XKR9: variants seen among roughly 807,000 people sequenced by gnomAD.
XKR9 encodes XK-related protein 9.
A neutral mutation model predicts 32.0 loss-of-function variants in XKR9; 32 were observed. The observed-to-expected ratio is 1.00, with a 90% CI of 0.76 to 1.34. XKR9 has a LOEUF of 1.34. Among genes scored for constraint, XKR9 ranks in the 40% most tolerant of loss-of-function variants. The pLI, the probability that XKR9 is intolerant of heterozygous loss-of-function variation, is 0.00. For missense variants in XKR9, 546 were observed against 429.7 expected, an observed-to-expected ratio of 1.27 and a Z score of -2.39; for synonymous variants, 168 against 143.4, an observed-to-expected ratio of 1.17 and a Z score of -1.22.
At chr8:70,712,989 G>C (rs903868055) in intron 4 of XKR9, among the ~76,000 whole-genome samples, 23 of 152,070 alleles carry the variant, frequency 1.5e-4, no homozygotes, top group Non-Finnish European at 2.8e-4. Flanking sequence ...AGTGAGACTT[G>C]AACTTTTGGA....
chr8:70,891,470 G>C, the XKR9 span, among the ~76,000 whole-genome samples: 2 of 151,754 alleles, frequency 1.3e-5, no homozygotes, highest in African/African-American at 4.8e-5. Context: ...GTACCACATA[G>C]GTTTTGGTGT....
At chr8:70,803,864 TTGTGC>T in the XKR9 span, among the ~76,000 whole-genome samples, 1 of 152,152 alleles carries the variant, frequency 6.6e-6, no homozygotes, top group Non-Finnish European at 1.5e-5. Flanking sequence ...GAACATGGGG[TTGTGC>T]CTGACTGCAG....
intron 2 of XKR9, among the ~76,000 whole-genome samples, chr8:70,754,864 C>G (rs199929172): frequency 1.3e-5 from 2 of 151,688 alleles, no homozygotes; most frequent in African/African-American, 2.4e-5. Context: ...CAAGGACTTC[C>G]TGTCTAAAAC....
chr8:70,915,188 A>C, the XKR9 span, among the ~76,000 whole-genome samples: 2 of 151,942 alleles, frequency 1.3e-5, no homozygotes, highest in Non-Finnish European at 2.9e-5. Context: ...AAAATATCTT[A>C]TAACACTAAT....
chr8:71,018,096 A>G, the XKR9 span, among the ~76,000 whole-genome samples: 8 of 152,308 alleles, frequency 5.3e-5, no homozygotes, highest in African/African-American at 1.9e-4. Flanking sequence ...TCAAAGTTAA[A>G]GTTTTCTTAT....
chr8:70,676,483 A>G (rs1818893824), intron 2 of XKR9, among the ~76,000 whole-genome samples: 1 of 152,218 alleles, frequency 6.6e-6, no homozygotes, highest in Admixed American at 6.5e-5. Context: ...GAGATGAACT[A>G]TTCTTAATAC....
chr8:70,797,267 C>T, the XKR9 span, among the ~76,000 whole-genome samples: 5 of 152,228 alleles, frequency 3.3e-5, no homozygotes, highest in East Asian at 7.7e-4. Context: ...TAGAGGGTGT[C>T]ACCTGGCTGA....
the XKR9 span, among the ~76,000 whole-genome samples, chr8:70,855,736 G>T: frequency 0.017 from 2,538 of 152,322 alleles, 53 homozygotes; most frequent in African/African-American, 0.058. Flanking sequence ...AGAAAGGTTG[G>T]GTTACCCACA....
At chr8:70,758,011 C>G (rs1463421298) in intron 2 of XKR9, among the ~76,000 whole-genome samples, 1 of 152,108 alleles carries the variant, frequency 6.6e-6, no homozygotes, top group Non-Finnish European at 1.5e-5. Flanking sequence ...TCCTACTTTC[C>G]TGTTTCTTTG....
At chr8:70,829,456 C>CT in the XKR9 span, among the ~76,000 whole-genome samples, 1 of 152,108 alleles carries the variant, frequency 6.6e-6, no homozygotes, top group Non-Finnish European at 1.5e-5. Flanking sequence ...AACTGGTTTT[C>CT]TTTTTTTGTT....
the XKR9 span, among the ~76,000 whole-genome samples, chr8:70,917,974 T>C: frequency 6.6e-6 from 1 of 152,174 alleles, no homozygotes; most frequent in Non-Finnish European, 1.5e-5. Context: ...TCTTAAGTGT[T>C]GGTTATTAAT....
chr8:70,933,606 T>C, the XKR9 span, among the ~76,000 whole-genome samples: 1 of 152,062 alleles, frequency 6.6e-6, no homozygotes, highest in African/African-American at 2.4e-5. Context: ...TTCCTCTGCT[T>C]TTCCTTTTGT....
chr8:70,768,982 T>G (rs764147621), intron 2 of XKR9, among the ~76,000 whole-genome samples: 7 of 152,186 alleles, frequency 4.6e-5, no homozygotes, highest in Non-Finnish European at 8.8e-5. Context: ...TGATGCGAAC[T>G]GGTTATTTTG....
At chr8:70,942,175 C>G in the XKR9 span, among the ~76,000 whole-genome samples, 1 of 152,156 alleles carries the variant, frequency 6.6e-6, no homozygotes, top group African/African-American at 2.4e-5. Context: ...GAAATTGTCA[C>G]TAGCAAGCTC....
intron 2 of XKR9, among the ~76,000 whole-genome samples, chr8:70,777,138 G>A (rs1807536909): frequency 6.6e-6 from 1 of 151,354 alleles, no homozygotes; most frequent in South Asian, 2.1e-4. Context: ...CCCCTTGTGT[G>A]ATGTTCCCCT....
At chr8:70,792,590 A>C (rs780572106), downstream of XKR9, among the ~76,000 whole-genome samples, 1 of 152,140 alleles carries the variant, frequency 6.6e-6, no homozygotes, top group Admixed American at 6.6e-5. Flanking sequence ...TGACATAAGA[A>C]GCAGTTAGTG....
rs576259940 is a variant in XKR9, at chr8:70,694,683, G to A, written c.273-12250G>A. ...CCTCCCAGGAGTGCCTTCTTAGGGA[G>A]GTGCAATGCCGCTATTGGTAGCTGG... On this transcript the variant is annotated intron_variant, in intron 3 of 4. Coordinates refer to ENST00000408926, the MANE Select transcript of XKR9 (RefSeq NM_001011720.2). Among the ~76,000 whole-genome samples the A allele has an allele frequency of 2.6e-5, 4 of 152,342 alleles. No individual in the cohort carries two copies. The South Asian group carries it at 8.3e-4, about 32-fold the overall frequency.
the XKR9 span, among the ~76,000 whole-genome samples, chr8:70,864,798 C>T: frequency 1.5e-3 from 226 of 152,192 alleles, no homozygotes; most frequent in African/African-American, 4.0e-3. Flanking sequence ...TTGGATTAAC[C>T]TTATCGGTTC....
intron 2 of XKR9, among the ~76,000 whole-genome samples, chr8:70,773,675 G>A (rs979140204): frequency 6.6e-6 from 1 of 152,186 alleles, no homozygotes; most frequent in East Asian, 1.9e-4. Flanking sequence ...TTAAAAGGGG[G>A]AAGTGTTCAG....
Sources: allele counts gnomAD v4.1 joint callset (sites outside exome capture counted in the v4.1 genomes callset), GRCh38; gene constraint gnomAD v4.1.1; transcripts MANE v1.5; gene names NCBI Gene and HGNC (gene_info 2026-07-23, HGNC 2026-07-21).